Variants in PRKN observed in about 807,000 individuals in gnomAD.
PRKN encodes E3 ubiquitin-protein ligase parkin.
Under a neutral mutation model 59.5 loss-of-function variants are expected in PRKN, and 56 were observed. That is an observed-to-expected ratio of 0.94 (90% CI 0.76 to 1.18). PRKN has a LOEUF of 1.18. Among genes scored for constraint, PRKN ranks in the 50% most tolerant of loss-of-function variants. PRKN has a pLI of 0.00. For missense variants in PRKN, 657 were observed against 596.4 expected, an observed-to-expected ratio of 1.10 and a Z score of -1.06; for synonymous variants, 250 against 222.1, an observed-to-expected ratio of 1.13 and a Z score of -1.12.
intron 4 of PRKN, among the ~76,000 whole-genome samples, chr6:162,102,480 T>A (rs1016723773): frequency 1.3e-5 from 2 of 152,224 alleles, no homozygotes; most frequent in African/African-American, 2.4e-5. Context: ...ACATTATTAA[T>A]CTTAAAAGAT....
intron 1 of PRKN, among the ~76,000 whole-genome samples, chr6:162,517,249 ATTT>A (rs755649567): frequency 1.5e-5 from 2 of 136,242 alleles, no homozygotes; most frequent in Non-Finnish European, 3.2e-5. Context: ...GAACCCAGGC[ATTT>A]TTTTTTTTTT....
In PRKN at chr6:161,751,989, AC is replaced by A. The variant is rs571367010; in HGVS notation, c.871+33782del. Among the ~76,000 whole-genome samples the A allele has an allele frequency of 2.3e-4, 35 of 152,378 alleles. No homozygotes were observed. The East Asian group carries it at 5.2e-3, about 23-fold the overall frequency. On this transcript the variant is annotated intron_variant, in intron 7 of 11. Coordinates refer to ENST00000366898, the MANE Select transcript of PRKN (RefSeq NM_004562.3). ...TAGCGAGGAGGCCTGTACAACTGCC[AC>A]AGGGCAGGCAAGGGAAGGAGAGATA...
intron 1 of PRKN, among the ~76,000 whole-genome samples, chr6:162,722,102 A>C (rs529178328): frequency 6.6e-6 from 1 of 152,314 alleles, no homozygotes; most frequent in South Asian, 2.1e-4. Flanking sequence ...TTGGGAAGAA[A>C]TGGTCATTTC....
chr6:162,152,492 G>C (rs1327440140), intron 4 of PRKN, among the ~76,000 whole-genome samples: 1 of 152,146 alleles, frequency 6.6e-6, no homozygotes, highest in African/African-American at 2.4e-5. Flanking sequence ...TTGAAATTAA[G>C]TGAAAATGAT....
chr6:161,973,317 G>C lies in PRKN; in HGVS notation c.719C>G (p.Thr240Arg), dbSNP rs137853054. 6.2e-7 allele frequency: 1 copy of C among 1,610,416 alleles called. No homozygotes were observed. Among genetic ancestry groups the C allele is most frequent in the Non-Finnish European group, 8.5e-7 (1 of 1,176,578 alleles). Reference protein sequence around the residue: ...ATNSRNITCITCTDVRSPVLV... With the variant: ...ATNSRNITCIRCTDVRSPVLV... ...AGATCCTTACCTGACGTCTGTGCAC[G>C]TAATGCAAGTGATGTTCCGACTATT... The change falls in exon 6 of 12, where the codon ACG becomes AGG. Residue 240 changes from threonine to arginine, a missense_variant. Transcript: ENST00000366898.
intron 9 of PRKN, among the ~76,000 whole-genome samples, chr6:161,491,508 ACT>A (rs140888857): frequency 0.013 from 1,953 of 151,962 alleles, 40 homozygotes; most frequent in African/African-American, 0.045. Flanking sequence ...GGGCAAATCC[ACT>A]CTCTGCACCT....
intron 4 of PRKN, among the ~76,000 whole-genome samples, chr6:162,128,998 C>T (rs1390173962): frequency 6.6e-6 from 1 of 152,154 alleles, no homozygotes; most frequent in Non-Finnish European, 1.5e-5. Context: ...CCCTAATTCA[C>T]TTAAATGGTA....
intron 7 of PRKN, among the ~76,000 whole-genome samples, chr6:161,623,537 G>A (rs747941835): frequency 3.9e-5 from 6 of 152,162 alleles, no homozygotes; most frequent in Non-Finnish European, 5.9e-5. Flanking sequence ...TTTAAAAACT[G>A]CTTTTTTGAA....
intron 6 of PRKN, among the ~76,000 whole-genome samples, chr6:161,814,505 T>A (rs1019096086): frequency 6.6e-6 from 1 of 152,078 alleles, no homozygotes; most frequent in African/African-American, 2.4e-5. Context: ...GGAACTGCCT[T>A]TTTTTCTTTT....
chr6:161,438,249 TGCTCTGTCTCCAGGCTGGA>T, intron 9 of PRKN, among the ~76,000 whole-genome samples: 1 of 148,188 alleles, frequency 6.7e-6, no homozygotes, highest in Non-Finnish European at 1.5e-5. Context: ...GACAGAGTCT[TGCTCTGTCTCCAGGCTGGA>T]TTGCAATGGC....
At chr6:162,386,017 G>A (rs1019579260) in intron 2 of PRKN, among the ~76,000 whole-genome samples, 2 of 151,890 alleles carry the variant, frequency 1.3e-5, no homozygotes, top group African/African-American at 4.8e-5. Context: ...TGACTAACCC[G>A]CCAATTGTAT....
intron 7 of PRKN, among the ~76,000 whole-genome samples, chr6:161,665,554 C>T (rs559902819): frequency 1.2e-4 from 18 of 152,204 alleles, no homozygotes; most frequent in South Asian, 4.1e-4. Context: ...GGCTCCATGC[C>T]GGAAATTTAG....
chr6:162,149,874 A>G (rs1391414939), intron 4 of PRKN, among the ~76,000 whole-genome samples: 2 of 152,200 alleles, frequency 1.3e-5, no homozygotes, highest in Admixed American at 6.5e-5. Context: ...ACAGGGGGCC[A>G]GGATTCTAGA....
intron 1 of PRKN, among the ~76,000 whole-genome samples, chr6:162,711,590 C>A (rs372520810): frequency 2.6e-5 from 4 of 152,150 alleles, no homozygotes; most frequent in Non-Finnish European, 5.9e-5. Flanking sequence ...TCATAGGCTT[C>A]TCCTGCCTCC....
rs758565015 is a variant in PRKN at position 162,054,185 on chromosome 6, A to C, written c.535-11T>G. On this transcript the variant is annotated splice_polypyrimidine_tract_variant and intron_variant, in intron 4 of 11. Coordinates refer to ENST00000366898, the MANE Select transcript of PRKN (RefSeq NM_004562.3). ...CCAGCAAGATGGACCCTTTGGGAAA[A>C]AACAACAATATATGCTTATATGAGT... is the stretch of plus-strand genomic sequence containing the variant. 4 of 1,542,416 alleles carry C rather than the reference A, an allele frequency of 2.6e-6. No individual in the cohort carries two copies. The Admixed American group carries it at 5.0e-5, about 19-fold the overall frequency.
intron 7 of PRKN, among the ~76,000 whole-genome samples, chr6:161,634,040 C>G (rs556053953): frequency 3.5e-4 from 40 of 115,908 alleles, no homozygotes; most frequent in Non-Finnish European, 5.3e-4. Context: ...ACACACACAT[C>G]CCCCACCCCC....
rs1784657908 is a variant in PRKN, at chr6:161,353,971, T to C, written c.1286-3760A>G. On this transcript the variant is annotated intron_variant, in intron 11 of 11. Coordinates refer to ENST00000366898, the MANE Select transcript of PRKN (RefSeq NM_004562.3). This position sits in a 1 kb window ranked among gnomAD's most constrained non-coding sequence, Gnocchi z 4.8. ...TTCTGTGCTGACTGTTGTTATTGAATGAGAGAATAGAAGAAGCATGTTGTT... is the reference window on the plus strand; with the variant it reads ...TTCTGTGCTGACTGTTGTTATTGAACGAGAGAATAGAAGAAGCATGTTGTT... Among the ~76,000 whole-genome samples the C allele has an allele frequency of 6.6e-6, 1 of 152,200 alleles. No individual in the cohort carries two copies. The highest frequency in any genetic ancestry group is 2.4e-5 in the African/African-American group (1 of 41,448).
In PRKN at chr6:161,544,195, T is replaced by C. The variant is rs1296539361; in HGVS notation, c.1083+4659A>G. Among the ~76,000 whole-genome samples the C allele has an allele frequency of 6.6e-6, 1 of 152,208 alleles. No individual in the cohort carries two copies. Among genetic ancestry groups the C allele is most frequent in the Admixed American group, 6.5e-5 (1 of 15,272 alleles). ...TCAGAATGTACTCTTTACTTGGCCG[T>C]GTATGTAGCCTTTGATAGAGCACAC... On this transcript the variant is annotated intron_variant, in intron 9 of 11. Coordinates refer to ENST00000366898, the MANE Select transcript of PRKN (RefSeq NM_004562.3). This position sits in a 1 kb window ranked among gnomAD's most constrained non-coding sequence, Gnocchi z 5.5.
intron 6 of PRKN, among the ~76,000 whole-genome samples, chr6:161,930,403 T>G (rs1779128500): frequency 6.6e-6 from 1 of 152,218 alleles, no homozygotes; most frequent in Non-Finnish European, 1.5e-5. Context: ...AGAAGATTGT[T>G]CTTCAAACAT....
Sources: gnomAD v4.1 joint callset for allele counts (sites outside exome capture counted in the v4.1 genomes callset) on GRCh38, gnomAD v4.1.1 for gene constraint, Gnocchi (gnomAD v3.1) non-coding constraint, MANE v1.5 for transcripts, NCBI Gene and HGNC (gene_info 2026-07-23, HGNC 2026-07-21) for gene names.